The following FBN3 variants were observed in gnomAD, a reference collection of about 807,000 sequenced individuals.
FBN3 encodes the protein fibrillin-3.
In FBN3, 234 loss-of-function variants were observed where a neutral mutation model predicts 330.1. The ratio of observed to expected loss-of-function variants is 0.71; its 90% confidence interval spans 0.64 to 0.79. The LOEUF is 0.79. Among genes scored for constraint, FBN3 ranks in the 30% least tolerant of loss-of-function variants. The pLI is 0.00. For missense variants in FBN3, 3,606 were observed against 3,886.9 expected (o/e 0.93, Z 1.92); for synonymous variants, 1,458 against 1,517.3 (o/e 0.96, Z 0.91).
chr19:8,070,468 C>T (rs2081486988), intron 63 of FBN3, among the ~76,000 whole-genome samples: 1 of 152,124 alleles, frequency 6.6e-6, no homozygotes, highest in South Asian at 2.1e-4. Flanking sequence ...GAAGCTTCGA[C>T]CTAAATGTCT....
At chr19:8,087,754 G>T (rs545429321) in intron 53 of FBN3, 71 bp downstream of exon 53, 6 of 1,371,646 alleles carry the variant, frequency 4.4e-6, no homozygotes, top group South Asian at 1.2e-5. Context: ...GATTACAGGC[G>T]TGTGCCACCA....
Position 8,144,865 on chromosome 19 carries a change from C to T in FBN3, c.541+12G>A. ...GTCCCCTGTCTACCTCCCACCCGCG[C>T]ATGCTTGGTACCTCTCTCACATTGA... On this transcript the variant is annotated intron_variant, in intron 6 of 63. Coordinates refer to ENST00000600128, the MANE Select transcript of FBN3 (RefSeq NM_032447.5). 1 of 1,591,314 alleles carries T rather than the reference C, an allele frequency of 6.3e-7. No homozygotes were observed. The highest frequency in any genetic ancestry group is 8.6e-7 in the Non-Finnish European group (1 of 1,168,016).
At chr19:8,146,955 C>G in intron 3 of FBN3, 149 bp downstream of exon 3, 1 of 701,014 alleles carries the variant, frequency 1.4e-6, no homozygotes, top group Non-Finnish European at 2.4e-6. Context: ...GGCCTGGAAC[C>G]CTGAGGACAG....
intron 6 of FBN3, among the ~76,000 whole-genome samples, chr19:8,143,819 C>A (rs67797753): frequency 8.5e-6 from 1 of 117,632 alleles, no homozygotes; most frequent in African/African-American, 3.0e-5. Flanking sequence ...TTCTTTCTTT[C>A]TTTTTTTTTT....
At chr19:8,084,926 A>G (rs888404450) in intron 56 of FBN3, among the ~76,000 whole-genome samples, 1 of 145,662 alleles carries the variant, frequency 6.9e-6, no homozygotes, top group Non-Finnish European at 1.5e-5. Context: ...TTGCTCTATC[A>G]CCCAGGCTGG....
intron 32 of FBN3, 117 bp from the exon 33 acceptor site, chr19:8,111,300 GC>G: frequency 3.9e-6 from 5 of 1,293,642 alleles, no homozygotes; most frequent in Non-Finnish European, 5.2e-6. Context: ...CAGGCAAGTA[GC>G]CCTGGGGACT....
intron 59 of FBN3, among the ~76,000 whole-genome samples, chr19:8,076,281 A>G (rs1470403761): frequency 1.3e-5 from 1 of 77,870 alleles, no homozygotes; most frequent in Admixed American, 1.2e-4. Context: ...TGTGTGTGTA[A>G]GCTATTGTTT....
At chr19:8,143,427 C>T (rs573498133) in intron 6 of FBN3, among the ~76,000 whole-genome samples, 12 of 152,020 alleles carry the variant, frequency 7.9e-5, no homozygotes, top group South Asian at 6.2e-4. Flanking sequence ...CTTCTCTCCC[C>T]GTCCCTGCCA....
At chr19:8,078,789 CTCTT>C in intron 59 of FBN3, among the ~76,000 whole-genome samples, 1 of 147,822 alleles carries the variant, frequency 6.8e-6, no homozygotes, top group Non-Finnish European at 1.5e-5. Flanking sequence ...CTCTCTCTCT[CTCTT>C]TTTTTTTTTT....
Position 8,083,354 on chromosome 19 carries a change from A to G in FBN3, c.7106T>C (p.Met2369Thr), listed in dbSNP as rs1268155812. The G allele has an allele frequency of 6.2e-7, 1 of 1,614,082 alleles. No individual in the cohort carries two copies. The highest frequency in any genetic ancestry group is 2.2e-5 in the East Asian group (1 of 44,884). ...CCCATGAGCACACAGGTGAGCAAGC[A>G]TACGGCATTCATCTACATCTGGGAA... The part of the protein sequence containing the change: ...AEGRDVDECR[M>T]LAHLCAHGEC... The change falls in exon 57 of 64, where the codon ATG becomes ACG. Residue 2369 changes from methionine (M) to threonine (T), a missense_variant. Transcript: ENST00000600128.
chr19:8,109,133 G>GC lies in FBN3; in HGVS notation c.4618+93dup. Reference sequence around the variant, plus strand: ...AGTTCTTGGTTTTCCTGTCGCCTAAGCCCCCCACCACCGCCATTAGCAGAG... The same window carrying GC: ...AGTTCTTGGTTTTCCTGTCGCCTAAGCCCCCCCACCACCGCCATTAGCAGAG... On this transcript the variant is annotated intron_variant, in intron 36 of 63. Coordinates refer to ENST00000600128, the MANE Select transcript of FBN3 (RefSeq NM_032447.5). The surrounding 1 kb of genome is among the most constrained non-coding windows in gnomAD (Gnocchi z 5.2). 1 of 1,265,898 alleles carries GC rather than the reference G, an allele frequency of 7.9e-7. No homozygotes were observed. 78.4% of individuals were successfully genotyped at this position (1,265,898 alleles called of 1,614,324 possible).
intron 10 of FBN3, 26 bp from the exon 11 acceptor site, chr19:8,136,557 C>T: frequency 2.5e-6 from 4 of 1,612,878 alleles, no homozygotes; most frequent in Non-Finnish European, 3.4e-6. Context: ...GCAGAGGCAT[C>T]TGAGCAGTGG....
rs1290016682 is a variant in FBN3, at chr19:8,089,626, C to T, written c.6295G>A (p.Val2099Ile). 6 of 1,614,214 alleles carry T rather than the reference C, an allele frequency of 3.7e-6. No individual in the cohort carries two copies. Among genetic ancestry groups the T allele is most frequent in the African/African-American group, 2.7e-5 (2 of 75,060 alleles). The change falls in exon 51 of 64, where the codon GTC (valine) becomes ATC (isoleucine). Residue 2099 changes from valine to isoleucine, a missense_variant. By Grantham distance (29) the Val-to-Ile change is conservative (BLOSUM62 3). Transcript: ENST00000600128. ...AAGGATCCATCGGTGTTGACACAGA[C>T]GCCGTTAGTGCAGACGCCAGGGTTC... ...AENPGVCTNG[V>I]CVNTDGSFRC...
At chr19:8,141,016 C>A (rs1311123781) in intron 8 of FBN3, among the ~76,000 whole-genome samples, 2 of 151,498 alleles carry the variant, frequency 1.3e-5, no homozygotes, top group East Asian at 1.9e-4. Flanking sequence ...CACGGTGAAA[C>A]CCCGTCTCTA....
intron 16 of FBN3, among the ~76,000 whole-genome samples, chr19:8,130,086 T>G (rs1368310578): frequency 6.6e-6 from 1 of 151,844 alleles, no homozygotes; most frequent in Non-Finnish European, 1.5e-5. Flanking sequence ...TTAGTAGAGA[T>G]GGGGTTTCAC....
intron 53 of FBN3, among the ~76,000 whole-genome samples, chr19:8,087,549 G>A (rs2081991265): frequency 6.6e-6 from 1 of 151,822 alleles, no homozygotes; most frequent in African/African-American, 2.4e-5. Flanking sequence ...TGAACATTTG[G>A]GATAGGAAAG....
Position 8,094,392 on chromosome 19 carries a change from G to A in FBN3, c.5905+54C>T, listed in dbSNP as rs1416131879. 8 of 1,564,314 alleles carry A rather than the reference G, an allele frequency of 5.1e-6. No homozygotes were observed. In the East Asian group the frequency reaches 1.4e-4, roughly 27 times the overall value. On this transcript the variant is annotated intron_variant, in intron 47 of 63. Coordinates refer to ENST00000600128, the MANE Select transcript of FBN3 (RefSeq NM_032447.5). ...AGCTGGTATTCCCATTTTATGGATG[G>A]AGAAAGAGAGGCACTCCCTGGCGCC... is the stretch of plus-strand genomic sequence containing the variant.
At chr19:8,105,424 T>TTTTTTAA in intron 38 of FBN3, among the ~76,000 whole-genome samples, 1 of 152,000 alleles carries the variant, frequency 6.6e-6, no homozygotes, top group South Asian at 2.1e-4. Flanking sequence ...TGCCCAGCTA[T>TTTTTTAA]TTTTTTAATT....
Position 8,144,949 on chromosome 19 carries a change from TG to T in FBN3, c.468del (p.His156GlnfsTer36), listed in dbSNP as rs1050892277. 2 of 1,611,392 alleles carry T rather than the reference TG, an allele frequency of 1.2e-6. No homozygotes were observed. Among genetic ancestry groups the T allele is most frequent in the African/African-American group, 2.7e-5 (2 of 74,840 alleles). The part of the protein sequence containing the change: ...CGQPICDRGC[H>X]NGGRCIGPNR... ...TTGGGCCCAATGCAGCGACCCCCAT[TG>T]TGGCAGCCGCGGTCACAGATGGCTG... On this transcript the variant is annotated frameshift_variant, in exon 6 of 64. Coordinates refer to ENST00000600128, the MANE Select transcript of FBN3 (RefSeq NM_032447.5). LOFTEE classifies it high-confidence loss of function.
Sources: allele counts gnomAD v4.1 joint callset (sites outside exome capture counted in the v4.1 genomes callset), GRCh38; gene constraint gnomAD v4.1.1; non-coding constraint Gnocchi (gnomAD v3.1); transcripts MANE v1.5; gene names NCBI Gene and HGNC (gene_info 2026-07-23, HGNC 2026-07-21).